CCDC200: variants seen among roughly 807,000 people sequenced by gnomAD.
CCDC200 encodes the protein coiled-coil domain-containing protein 200.
intron 1 of CCDC200, among the ~76,000 whole-genome samples, chr17:43,227,263 G>A (rs1341274711): frequency 6.6e-6 from 1 of 151,934 alleles, no homozygotes; most frequent in Non-Finnish European, 1.5e-5. Context: ...ACAGGTGTGA[G>A]CCACTGTGCC....
At chr17:43,231,141 G>C (rs1425856590), upstream of CCDC200, among the ~76,000 whole-genome samples, 13 of 100,924 alleles carry the variant, frequency 1.3e-4, 3 homozygotes, top group Admixed American at 1.4e-3. Flanking sequence ...AGGAAGAGTG[G>C]GGGAAAGATG....
At chr17:43,231,196 T>A (rs1555617230), upstream of CCDC200, among the ~76,000 whole-genome samples, 3 of 108,390 alleles carry the variant, frequency 2.8e-5, no homozygotes, top group African/African-American at 7.8e-5. Context: ...TGGGGCCCAC[T>A]GAGACTCAAA....
At chr17:43,224,984 C>T (rs1158875553) in intron 1 of CCDC200, 1 of 152,004 alleles carries the variant, frequency 6.6e-6, no homozygotes, top group Non-Finnish European at 1.5e-5. Context: ...CCTGCCTCAG[C>T]TTCGCAAGTA....
intron 3 of CCDC200, among the ~76,000 whole-genome samples, chr17:43,222,793 C>T (rs1160749197): frequency 4.7e-5 from 6 of 127,486 alleles, no homozygotes; most frequent in African/African-American, 8.9e-5. Flanking sequence ...TTTTTTTAAA[C>T]GAAGTCTCGC....
chr17:43,225,693 T>TATATATATATA (rs1282739067), intron 1 of CCDC200, among the ~76,000 whole-genome samples: 1 of 28,966 alleles, frequency 3.5e-5, no homozygotes, highest in Non-Finnish European at 2.3e-4. Context: ...TATATATATA[T>TATATATATATA]TGCATGCTAC....
At chr17:43,228,108 CAAA>C (rs4027812) in intron 1 of CCDC200, among the ~76,000 whole-genome samples, 1 of 20,174 alleles carries the variant, frequency 5.0e-5, no homozygotes, top group Non-Finnish European at 8.6e-5. Context: ...AACTCCATCT[CAAA>C]AAAAAAAAAA....
chr17:43,225,526 G>C (rs2057560764), intron 1 of CCDC200, among the ~76,000 whole-genome samples: 1 of 147,104 alleles, frequency 6.8e-6, no homozygotes, highest in East Asian at 2.1e-4. Flanking sequence ...AGTTGGGCTT[G>C]GTGGCAGGCA....
intron 1 of CCDC200, among the ~76,000 whole-genome samples, chr17:43,225,606 T>C (rs2057561519): frequency 8.4e-6 from 1 of 118,454 alleles, no homozygotes; most frequent in Non-Finnish European, 1.8e-5. Context: ...GAGGTTGCAG[T>C]GAGCCAGGAT....
chr17:43,224,755 C>A (rs1171294696), intron 1 of CCDC200: 1 of 152,246 alleles, frequency 6.6e-6, no homozygotes, highest in Non-Finnish European at 1.5e-5. Flanking sequence ...GTGGCACAGC[C>A]CCAGCCCAGG....
intron 1 of CCDC200, among the ~76,000 whole-genome samples, chr17:43,225,430 C>T (rs1008481829): frequency 2.0e-5 from 3 of 150,684 alleles, no homozygotes; most frequent in Non-Finnish European, 3.0e-5. Context: ...TTTGGGAAGC[C>T]GAGGCGGGCG....
At position 43,225,691 on chromosome 17, in the gene CCDC200, T is replaced by TAA. The variant is rs1210357318; in HGVS notation, c.106-1143_106-1142insTT. On this transcript the variant is annotated intron_variant, in intron 1 of 3. Coordinates refer to ENST00000636331, the MANE Select transcript of CCDC200 (RefSeq NM_001363254.2). ...AAAAAAAAAAAAAAGTATATATATA[T>TAA]ATTGCATGCTACATGTGTAATTTTA... Among the ~76,000 whole-genome samples the TAA allele has an allele frequency of 6.2e-5, 2 of 32,492 alleles. 1 individual carries two copies. Among genetic ancestry groups the TAA allele is most frequent in the Admixed American group, 1.2e-3 (2 of 1,614 alleles). 21.3% of individuals were successfully genotyped at this position (32,492 alleles called of 152,430 possible).
intron 3 of CCDC200, among the ~76,000 whole-genome samples, chr17:43,221,857 C>A (rs1446684296): frequency 6.6e-6 from 1 of 152,024 alleles, no homozygotes; most frequent in Non-Finnish European, 1.5e-5. Flanking sequence ...ACCTGTAATC[C>A]CAGCACTTTG....
At chr17:43,227,133 C>A (rs1373038962) in intron 1 of CCDC200, among the ~76,000 whole-genome samples, 2 of 151,854 alleles carry the variant, frequency 1.3e-5, no homozygotes, top group African/African-American at 4.8e-5. Context: ...TGCGCGCCAC[C>A]ACGCCCGGCT....
chr17:43,223,214 G>C (rs1481172797), intron 3 of CCDC200, among the ~76,000 whole-genome samples: 1 of 145,572 alleles, frequency 6.9e-6, no homozygotes, highest in Non-Finnish European at 1.5e-5. Flanking sequence ...CCACACACTT[G>C]GCTTTTTTTC....
chr17:43,225,693 T>TATATATATATATATATATATA (rs1282739067), intron 1 of CCDC200, among the ~76,000 whole-genome samples: 3 of 28,972 alleles, frequency 1.0e-4, no homozygotes, highest in Non-Finnish European at 4.5e-4. Context: ...TATATATATA[T>TATATATATATATATATATATA]TGCATGCTAC....
chr17:43,222,172 CTCTGTCTGTCTG>C (rs375858064), intron 3 of CCDC200, among the ~76,000 whole-genome samples: 1 of 151,514 alleles, frequency 6.6e-6, no homozygotes, highest in Non-Finnish European at 1.5e-5. Flanking sequence ...ATGCTCTTTC[CTCTGTCTGTCTG>C]TCTGTCTATC....
intron 1 of CCDC200, among the ~76,000 whole-genome samples, chr17:43,227,283 G>A (rs530518718): frequency 6.6e-6 from 1 of 151,280 alleles, no homozygotes; most frequent in Non-Finnish European, 1.5e-5. Context: ...CCGGCTGGGA[G>A]CAAGACTGGA....
At chr17:43,221,966 A>C (rs2057536668) in intron 3 of CCDC200, among the ~76,000 whole-genome samples, 1 of 151,940 alleles carries the variant, frequency 6.6e-6, no homozygotes, top group Admixed American at 6.6e-5. Context: ...GTGGTGGTAC[A>C]TGCCTGTAAT....
chr17:43,225,591 AGGCG>A (rs2057561373), intron 1 of CCDC200, among the ~76,000 whole-genome samples: 1 of 131,278 alleles, frequency 7.6e-6, no homozygotes, highest in Non-Finnish European at 1.6e-5. Flanking sequence ...TAAACCCAGG[AGGCG>A]GAGGTTGCAG....
Sources: allele counts gnomAD v4.1 joint callset (sites outside exome capture counted in the v4.1 genomes callset), GRCh38; gene constraint gnomAD v4.1.1; transcripts MANE v1.5; gene names NCBI Gene and HGNC (gene_info 2026-07-23, HGNC 2026-07-21).